The following FAF1 variants were observed in gnomAD, a reference collection of about 807,000 sequenced individuals.
FAF1 encodes FAS-associated factor 1.
A neutral mutation model predicts 92.5 loss-of-function variants in FAF1; 25 were observed. The ratio of observed to expected loss-of-function variants is 0.27; its 90% CI spans 0.20 to 0.38. The LOEUF is 0.38. Ranked by LOEUF, FAF1 falls within the 10% of genes least tolerant of loss-of-function variation. The probability of loss-of-function intolerance (pLI) is 1.00; values close to 1 mark genes in which losing one functional copy is unlikely to be tolerated. For synonymous variants in FAF1, 234 were observed against 273.2 expected (o/e 0.86, Z 1.42); for missense variants, 636 against 793.3 (o/e 0.80, Z 2.38).
intron 7 of FAF1, among the ~76,000 whole-genome samples, chr1:50,701,091 G>A (rs1321066316): frequency 6.6e-6 from 1 of 152,026 alleles, no homozygotes; most frequent in Non-Finnish European, 1.5e-5. Context: ...TCTGAAAGCT[G>A]AATAAAGGCT....
At chr1:50,524,737 G>T (rs1339567460) in intron 15 of FAF1, among the ~76,000 whole-genome samples, 2 of 152,100 alleles carry the variant, frequency 1.3e-5, no homozygotes, top group African/African-American at 2.4e-5. Flanking sequence ...CTGTTCCATT[G>T]GTCTATGTGT....
At chr1:50,855,948 A>G (rs879504742) in intron 2 of FAF1, among the ~76,000 whole-genome samples, 2 of 151,832 alleles carry the variant, frequency 1.3e-5, no homozygotes, top group African/African-American at 4.8e-5. Flanking sequence ...CCAAAATAAA[A>G]TAACTCAGAA....
intron 5 of FAF1, among the ~76,000 whole-genome samples, chr1:50,742,487 G>A (rs1659428950): frequency 6.6e-6 from 1 of 152,070 alleles, no homozygotes; most frequent in African/African-American, 2.4e-5. Flanking sequence ...AGGTTCAAGC[G>A]ATTCTTGTGC....
intron 1 of FAF1, among the ~76,000 whole-genome samples, chr1:50,863,675 G>A (rs1021155724): frequency 4.0e-5 from 6 of 151,892 alleles, no homozygotes; most frequent in Non-Finnish European, 8.8e-5. Context: ...TTTTTTGGTT[G>A]TGTCTCTGCC....
chr1:50,861,149 C>G (rs894927258), intron 1 of FAF1, among the ~76,000 whole-genome samples: 1 of 151,748 alleles, frequency 6.6e-6, no homozygotes, highest in Non-Finnish European at 1.5e-5. Context: ...TCATTTCATA[C>G]CTCAAGCATC....
intron 5 of FAF1, among the ~76,000 whole-genome samples, chr1:50,742,227 T>A (rs948172575): frequency 1.3e-5 from 2 of 151,772 alleles, no homozygotes; most frequent in Admixed American, 1.3e-4. Context: ...GGTAGAAGCA[T>A]CACTTGAGTC....
At chr1:50,446,241 C>T (rs1646226058) in intron 18 of FAF1, among the ~76,000 whole-genome samples, 1 of 152,238 alleles carries the variant, frequency 6.6e-6, no homozygotes, top group Non-Finnish European at 1.5e-5. Context: ...ATGTGCAACA[C>T]CCACAGAGTT....
rs1483311397 is a variant in FAF1, at chr1:50,931,923, ATAATAG to A, written c.45+27838_45+27843del. On this transcript the variant is annotated intron_variant, in intron 1 of 18. Transcript: ENST00000396153. The stretch of plus-strand genomic sequence containing the variant: ...AATAATAATAATAATAATAATAATA[ATAATAG>A]CACATGAAAGACTGACTCCCATGAT... Among the ~76,000 whole-genome samples, 9 of 140,544 alleles carry A rather than the reference ATAATAG, an allele frequency of 6.4e-5. No homozygotes were observed. In the East Asian group the frequency reaches 1.8e-3, roughly 28 times the overall value. 92.2% of individuals were successfully genotyped at this position (140,544 alleles called of 152,430 possible).
At chr1:50,857,690 C>T (rs1429315914) in intron 2 of FAF1, among the ~76,000 whole-genome samples, 1 of 151,764 alleles carries the variant, frequency 6.6e-6, no homozygotes, top group Non-Finnish European at 1.5e-5. Context: ...TGAACCATAA[C>T]ACACAGTAAA....
At chr1:50,831,613 A>G (rs1423091918) in intron 2 of FAF1, among the ~76,000 whole-genome samples, 1 of 152,150 alleles carries the variant, frequency 6.6e-6, no homozygotes, top group Non-Finnish European at 1.5e-5. Context: ...TACTAATAAG[A>G]GTTTTATCTA....
At chr1:50,892,167 A>G (rs192859031) in intron 1 of FAF1, among the ~76,000 whole-genome samples, 2 of 152,302 alleles carry the variant, frequency 1.3e-5, no homozygotes, top group East Asian at 3.9e-4. Flanking sequence ...CAGGAGTGGG[A>G]TATAATCTCC....
intron 4 of FAF1, among the ~76,000 whole-genome samples, chr1:50,747,500 C>A (rs909247059): frequency 6.6e-5 from 10 of 152,134 alleles, no homozygotes; most frequent in Non-Finnish European, 1.5e-4. Flanking sequence ...TGCCTATACC[C>A]CCATTTTATC....
chr1:50,728,168 G>A (rs981249935), intron 6 of FAF1, among the ~76,000 whole-genome samples: 3 of 152,152 alleles, frequency 2.0e-5, no homozygotes, highest in African/African-American at 7.2e-5. Flanking sequence ...GATAGAGAGA[G>A]GGTATAACAG....
chr1:50,860,754 T>C (rs1644425720), intron 1 of FAF1, among the ~76,000 whole-genome samples: 2 of 151,492 alleles, frequency 1.3e-5, no homozygotes, highest in Admixed American at 1.3e-4. Context: ...TAAAAAAAAA[T>C]TCATTGTACC....
chr1:50,957,370 GAGACAGA>G (rs1645276329), intron 1 of FAF1, among the ~76,000 whole-genome samples: 5 of 14,962 alleles, frequency 3.3e-4, no homozygotes, highest in Admixed American at 1.1e-3. Flanking sequence ...TTTTTTTTTT[GAGACAGA>G]GTCTCGCTCT....
chr1:50,845,732 CTTCCTTGGGACAA>C (rs1644293300), intron 2 of FAF1, among the ~76,000 whole-genome samples: 1 of 152,056 alleles, frequency 6.6e-6, no homozygotes, highest in Non-Finnish European at 1.5e-5. Flanking sequence ...TAAGTTTGCC[CTTCCTTGGGACAA>C]TTTCTTGGGA....
chr1:50,757,521 A>C (rs568935328), intron 4 of FAF1, among the ~76,000 whole-genome samples: 2 of 152,160 alleles, frequency 1.3e-5, no homozygotes, highest in African/African-American at 2.4e-5. Flanking sequence ...GTCCTTCATA[A>C]TATTCTTTGT....
chr1:50,665,188 T>G (rs141961380), intron 7 of FAF1, among the ~76,000 whole-genome samples: 384 of 152,350 alleles, frequency 2.5e-3, no homozygotes, highest in Non-Finnish European at 2.6e-3. Context: ...GGAATTTTAC[T>G]TTAACCTAAC....
intron 1 of FAF1, among the ~76,000 whole-genome samples, chr1:50,885,039 T>G (rs575293414): frequency 6.6e-6 from 1 of 152,308 alleles, no homozygotes; most frequent in African/African-American, 2.4e-5. Context: ...TCCTTTAGAT[T>G]TGTCAATTTA....
Sources: gnomAD v4.1 joint callset for allele counts (sites outside exome capture counted in the v4.1 genomes callset) on GRCh38, gnomAD v4.1.1 for gene constraint, MANE v1.5 for transcripts, NCBI Gene and HGNC (gene_info 2026-07-23, HGNC 2026-07-21) for gene names.